The following SPMIP11 variants were observed in gnomAD, a reference collection of about 807,000 sequenced individuals.
The protein encoded by SPMIP11 is long intergenic non-protein coding RNA 935.
At chr12:48,750,601 T>A in the SPMIP11 span, among the ~76,000 whole-genome samples, 1 of 152,170 alleles carries the variant, frequency 6.6e-6, no homozygotes, top group Admixed American at 6.6e-5. Context: ...ACCTCAGAAC[T>A]GGTTTGGGAA....
chr12:48,767,016 AGCTAGAAACAT>A, the SPMIP11 span: 1 of 152,334 alleles, frequency 6.6e-6, no homozygotes, highest in Admixed American at 6.5e-5. Context: ...GGGACTGGGG[AGCTAGAAACAT>A]GCTAGACTCA....
At chr12:48,765,816 G>A in the SPMIP11 span, 1 of 625,738 alleles carries the variant, frequency 1.6e-6, no homozygotes, top group South Asian at 1.8e-5. Context: ...GGGGGGAGCT[G>A]TGGGGTCAGG....
At chr12:48,759,232 A>T in the SPMIP11 span, 1 of 702,998 alleles carries the variant, frequency 1.4e-6, no homozygotes, top group Non-Finnish European at 2.6e-6. Flanking sequence ...AGAGCCTACT[A>T]GGCTTCCCCC....
the SPMIP11 span, among the ~76,000 whole-genome samples, chr12:48,753,692 C>CTTTTTTTTTT: frequency 5.9e-3 from 703 of 118,874 alleles, 12 homozygotes; most frequent in Non-Finnish European, 8.9e-3. Flanking sequence ...TTTTTTTTTT[C>CTTTTTTTTTT]TTTTTTTTTT....
the SPMIP11 span, among the ~76,000 whole-genome samples, chr12:48,734,404 C>A: frequency 2.1e-4 from 32 of 152,190 alleles, no homozygotes; most frequent in Non-Finnish European, 3.7e-4. Flanking sequence ...AGCCACTGTG[C>A]CCAGCTTCAT....
chr12:48,763,903 T>C, the SPMIP11 span, among the ~76,000 whole-genome samples: 1 of 152,024 alleles, frequency 6.6e-6, no homozygotes, highest in African/African-American at 2.4e-5. Flanking sequence ...GTCTCAAACT[T>C]CTGACCTCAA....
the SPMIP11 span, chr12:48,765,630 A>G: frequency 4.3e-6 from 3 of 702,858 alleles, no homozygotes; most frequent in East Asian, 2.7e-5. Context: ...TCTATTCTCA[A>G]TGACAGGACC....
At chr12:48,757,832 A>G in the SPMIP11 span, among the ~76,000 whole-genome samples, 1 of 151,806 alleles carries the variant, frequency 6.6e-6, no homozygotes, top group Non-Finnish European at 1.5e-5. Flanking sequence ...CATCTCTACT[A>G]AAAATATGAA....
the SPMIP11 span, among the ~76,000 whole-genome samples, chr12:48,758,221 G>A: frequency 1.8e-4 from 27 of 152,234 alleles, no homozygotes; most frequent in Admixed American, 6.5e-4. Flanking sequence ...TGGGAAGCAC[G>A]TAAAAGCTGC....
At chr12:48,759,921 C>T in the SPMIP11 span, among the ~76,000 whole-genome samples, 3 of 152,098 alleles carry the variant, frequency 2.0e-5, no homozygotes, top group Admixed American at 2.0e-4. Flanking sequence ...ATTCTCTTGC[C>T]TCAGCCTCCT....
the SPMIP11 span, chr12:48,768,881 C>G: frequency 6.4e-7 from 1 of 1,569,290 alleles, no homozygotes; most frequent in Non-Finnish European, 8.7e-7. Flanking sequence ...GCAGAGACAC[C>G]TGTGGAAGCC....
the SPMIP11 span, among the ~76,000 whole-genome samples, chr12:48,745,375 C>T: frequency 6.6e-6 from 1 of 152,040 alleles, no homozygotes; most frequent in South Asian, 2.1e-4. Context: ...GAGGCTGAGG[C>T]AGGCAGTTCA....
At chr12:48,756,435 C>A in the SPMIP11 span, among the ~76,000 whole-genome samples, 6 of 151,974 alleles carry the variant, frequency 3.9e-5, no homozygotes, top group Non-Finnish European at 8.8e-5. Context: ...TCTGGTGGTA[C>A]CATTATTTCA....
chr12:48,737,168 C>T, the SPMIP11 span, among the ~76,000 whole-genome samples: 1 of 152,048 alleles, frequency 6.6e-6, no homozygotes, highest in East Asian at 1.9e-4. Flanking sequence ...CCAGGCTGGT[C>T]TCAAACTCCT....
the SPMIP11 span, chr12:48,768,853 C>T: frequency 6.4e-6 from 10 of 1,552,800 alleles, no homozygotes; most frequent in Admixed American, 1.8e-5. Flanking sequence ...AGCCACCCTA[C>T]CCCTGTCCTA....
At chr12:48,760,369 A>G in the SPMIP11 span, among the ~76,000 whole-genome samples, 5 of 150,420 alleles carry the variant, frequency 3.3e-5, no homozygotes, top group African/African-American at 7.4e-5. Flanking sequence ...GTAGAGAGGG[A>G]GTCATGCTAT....
At chr12:48,759,416 T>C in the SPMIP11 span, 12,451 of 670,568 alleles carry the variant, frequency 0.019, 1,111 homozygotes, top group African/African-American at 0.19. Context: ...AGGCCGGGCT[T>C]GGTGGCTCAT....
the SPMIP11 span, among the ~76,000 whole-genome samples, chr12:48,731,422 C>T: frequency 6.6e-6 from 1 of 151,748 alleles, no homozygotes; most frequent in East Asian, 1.9e-4. Flanking sequence ...ACCCGGGAGG[C>T]GGAGCTTGCA....
the SPMIP11 span, among the ~76,000 whole-genome samples, chr12:48,739,099 A>G: frequency 4.9e-4 from 74 of 150,654 alleles, no homozygotes; most frequent in Non-Finnish European, 8.7e-4. Flanking sequence ...CCTTGCATTG[A>G]CTCTTTTTCC....
Sources: gnomAD v4.1 joint callset for allele counts (sites outside exome capture counted in the v4.1 genomes callset) on GRCh38, gnomAD v4.1.1 for gene constraint, MANE v1.5 for transcripts, NCBI Gene and HGNC (gene_info 2026-07-23, HGNC 2026-07-21) for gene names.